The following LTBP1 variants were observed in gnomAD, a reference collection of about 807,000 sequenced individuals.
LTBP1 encodes latent-transforming growth factor beta-binding protein 1.
In LTBP1, 129 loss-of-function variants were observed where a neutral mutation model predicts 207.6. The observed-to-expected ratio is 0.62, with a 90% confidence interval of 0.54 to 0.72. The LOEUF (loss-of-function observed/expected upper bound fraction) is 0.72. LTBP1 is among the 30% of genes least tolerant of loss of function. The probability of loss-of-function intolerance (pLI) is 0.00; values close to 1 mark genes in which losing one functional copy is unlikely to be tolerated. For synonymous variants in LTBP1, 963 were observed against 833.7 expected (o/e 1.16, Z -2.67); for missense variants, 2,281 against 2,217.2 (o/e 1.03, Z -0.58).
chr2:33,096,552 G>A (rs945770511), intron 3 of LTBP1, among the ~76,000 whole-genome samples: 60 of 152,174 alleles, frequency 3.9e-4, no homozygotes, highest in African/African-American at 1.3e-3. Context: ...TGACAAGAAC[G>A]ACAACAGGAT....
chr2:33,380,501 A>G (rs13009128), intron 31 of LTBP1, among the ~76,000 whole-genome samples: 68,982 of 151,502 alleles, frequency 0.46, 18,360 homozygotes, highest in African/African-American at 0.75. Flanking sequence ...CCCAGGAAGC[A>G]GAGGCTGCTG....
intron 5 of LTBP1, among the ~76,000 whole-genome samples, chr2:33,175,602 C>T (rs1216626604): frequency 6.6e-6 from 1 of 152,194 alleles, no homozygotes; most frequent in African/African-American, 2.4e-5. Context: ...GTGACACTTC[C>T]TCAGGGATCT....
At chr2:33,175,031 T>C (rs964043158) in intron 5 of LTBP1, among the ~76,000 whole-genome samples, 4 of 152,122 alleles carry the variant, frequency 2.6e-5, no homozygotes, top group African/African-American at 4.8e-5. Flanking sequence ...GACTTAAACG[T>C]TAGACCTAAA....
intron 9 of LTBP1, among the ~76,000 whole-genome samples, chr2:33,237,331 T>C (rs2092098136): frequency 6.6e-6 from 1 of 152,228 alleles, no homozygotes; most frequent in East Asian, 1.9e-4. Context: ...CATATTTGGC[T>C]GCAGAACCCC....
At chr2:33,264,263 A>T (rs897216628) in intron 15 of LTBP1, among the ~76,000 whole-genome samples, 1 of 151,782 alleles carries the variant, frequency 6.6e-6, no homozygotes, top group African/African-American at 2.4e-5. Flanking sequence ...CTCAAAAAAA[A>T]AAAAAAAAAA....
At chr2:33,119,260 T>A (rs577589083) in intron 4 of LTBP1, among the ~76,000 whole-genome samples, 2 of 152,222 alleles carry the variant, frequency 1.3e-5, no homozygotes, top group African/African-American at 4.8e-5. Flanking sequence ...AGATGGTGCC[T>A]CCTCAGCCTT....
rs139072428 is a variant in LTBP1 at position 33,336,049 on chromosome 2, T to C, written c.3731-6789T>C. Among the ~76,000 whole-genome samples, 797 of 152,276 alleles carry C rather than the reference T, an allele frequency of 5.2e-3. 5 individuals are homozygous for C. Among genetic ancestry groups the C allele is most frequent in the African/African-American group, 0.018 (764 of 41,540 alleles). On this transcript the variant is annotated intron_variant, in intron 24 of 33. Transcript: ENST00000404816. Reference sequence around the variant, plus strand: ...CTTCCAAGGGTCTCCTACAAAAATATCCTCTTCATGGCCCACAGTAGCTCT... The same window carrying C: ...CTTCCAAGGGTCTCCTACAAAAATACCCTCTTCATGGCCCACAGTAGCTCT...
At chr2:33,147,892 A>G (rs566769708) in intron 5 of LTBP1, among the ~76,000 whole-genome samples, 153 of 152,336 alleles carry the variant, frequency 1.0e-3, no homozygotes, top group African/African-American at 3.6e-3. Flanking sequence ...AAGCCCTCCA[A>G]AGAATTTTCA....
At chr2:33,397,784 A>G (rs1353991180) in intron 33 of LTBP1, among the ~76,000 whole-genome samples, 1 of 151,630 alleles carries the variant, frequency 6.6e-6, no homozygotes, top group Non-Finnish European at 1.5e-5. Flanking sequence ...GGCCTCCCAA[A>G]GTGCTGGGAT....
At chr2:33,076,737 A>C (rs1353938042) in intron 3 of LTBP1, among the ~76,000 whole-genome samples, 6 of 151,972 alleles carry the variant, frequency 3.9e-5, no homozygotes, top group Non-Finnish European at 8.8e-5. Flanking sequence ...GGGTTTCACC[A>C]TGTTGGCCAG....
At chr2:32,982,965 G>A (rs1382128561) in intron 2 of LTBP1, among the ~76,000 whole-genome samples, 1 of 152,230 alleles carries the variant, frequency 6.6e-6, no homozygotes, top group African/African-American at 2.4e-5. Flanking sequence ...GCATTGCCTA[G>A]TGGAGCTGTG....
At chr2:33,224,614 C>A (rs992848756) in intron 9 of LTBP1, among the ~76,000 whole-genome samples, 1 of 152,130 alleles carries the variant, frequency 6.6e-6, no homozygotes, top group African/African-American at 2.4e-5. Flanking sequence ...AATAGCTATA[C>A]TATTATTCAG....
chr2:33,285,327 C>T (rs1445959013), intron 19 of LTBP1, among the ~76,000 whole-genome samples: 3 of 151,934 alleles, frequency 2.0e-5, no homozygotes, highest in Non-Finnish European at 2.9e-5. Context: ...CAGGGGTAAG[C>T]CACCGTGCCC....
chr2:33,113,152 A>G (rs2080515119), intron 4 of LTBP1, among the ~76,000 whole-genome samples: 1 of 152,214 alleles, frequency 6.6e-6, no homozygotes, highest in Non-Finnish European at 1.5e-5. Flanking sequence ...GAGGTTGGCA[A>G]TAACAAGTGT....
intron 2 of LTBP1, among the ~76,000 whole-genome samples, chr2:32,950,944 A>G (rs1008579559): frequency 6.6e-6 from 1 of 152,216 alleles, no homozygotes; most frequent in African/African-American, 2.4e-5. Context: ...GAATCTCTTC[A>G]TGGCTTCCTG....
intron 4 of LTBP1, among the ~76,000 whole-genome samples, chr2:33,125,220 G>C (rs1035632199): frequency 6.6e-6 from 1 of 152,328 alleles, no homozygotes; most frequent in Non-Finnish European, 1.5e-5. Flanking sequence ...ACAAGGGCTT[G>C]CATTAAAATC....
At chr2:33,020,152 T>G (rs1402220679) in intron 2 of LTBP1, among the ~76,000 whole-genome samples, 1 of 152,168 alleles carries the variant, frequency 6.6e-6, no homozygotes, top group Non-Finnish European at 1.5e-5. Flanking sequence ...CACACTGGAT[T>G]TTTATACAAA....
intron 2 of LTBP1, among the ~76,000 whole-genome samples, chr2:32,956,177 G>A (rs1029793756): frequency 3.9e-5 from 6 of 152,110 alleles, no homozygotes; most frequent in African/African-American, 9.7e-5. Context: ...TGAAAGTTGG[G>A]GTGGCTGTGA....
chr2:33,260,688 T>G (rs817532), intron 13 of LTBP1, among the ~76,000 whole-genome samples: 96,272 of 152,056 alleles, frequency 0.63, 31,342 homozygotes, highest in East Asian at 0.92. Context: ...TGCATACTTT[T>G]TGTGTACTTT....
Sources: gnomAD v4.1 joint callset for allele counts (sites outside exome capture counted in the v4.1 genomes callset) on GRCh38, gnomAD v4.1.1 for gene constraint, MANE v1.5 for transcripts, NCBI Gene and HGNC (gene_info 2026-07-23, HGNC 2026-07-21) for gene names.